Variants in FARS2 observed in about 807,000 individuals in gnomAD.
FARS2 encodes phenylalanyl-tRNA synthetase 2, mitochondrial.
A neutral mutation model predicts 46.4 loss-of-function variants in FARS2; 40 were observed. The observed-to-expected ratio is 0.86, with a 90% CI of 0.67 to 1.12. FARS2 has a LOEUF of 1.12. FARS2 is among the 50% of genes most tolerant of loss of function. The pLI, the probability that FARS2 is intolerant of heterozygous loss-of-function variation, is 0.00. For synonymous variants in FARS2, 234 were observed against 214.9 expected (o/e 1.09, Z -0.78); for missense variants, 513 against 567.9 (o/e 0.90, Z 0.98).
At chr6:5,581,313 C>T (rs1010385099) in intron 5 of FARS2, among the ~76,000 whole-genome samples, 29 of 152,206 alleles carry the variant, frequency 1.9e-4, no homozygotes, top group African/African-American at 6.8e-4. Context: ...AAACAAAACC[C>T]ACGCACACAC....
At position 5,493,793 on chromosome 6, in the gene FARS2, T is replaced by G. The variant is rs1302385856; in HGVS notation, c.905-51387T>G. Among the ~76,000 whole-genome samples, 2 of 152,234 alleles carry G rather than the reference T, an allele frequency of 1.3e-5. 1 individual carries two copies. The highest frequency in any genetic ancestry group is 6.3e-3 in the Middle Eastern group (2 of 316). ...TGCTCACAAACGTTTAACAAATTAT[T>G]TATGTTTTTCTCATAAAGCACTACA... On this transcript the variant is annotated intron_variant, in intron 4 of 6. Transcript: ENST00000274680.
intron 5 of FARS2, 50 bp downstream of exon 5, chr6:5,545,390 A>G (rs563990501): frequency 2.2e-6 from 3 of 1,336,558 alleles, no homozygotes; most frequent in South Asian, 2.6e-5. Context: ...ATGGCTGTCA[A>G]GGATCGACAG....
chr6:5,601,423 C>T (rs1228167702), intron 5 of FARS2, among the ~76,000 whole-genome samples: 1 of 150,010 alleles, frequency 6.7e-6, no homozygotes, highest in Non-Finnish European at 1.5e-5. Flanking sequence ...ACTCAGGAGC[C>T]TGAGGCAGGA....
intron 5 of FARS2, among the ~76,000 whole-genome samples, chr6:5,601,551 A>T: frequency 7.4e-6 from 1 of 135,306 alleles, no homozygotes; most frequent in African/African-American, 2.7e-5. Context: ...AAAAAAAAAA[A>T]GACGAGAGTG....
intron 5 of FARS2, among the ~76,000 whole-genome samples, chr6:5,556,023 CT>C (rs1387898156): frequency 1.3e-5 from 2 of 152,040 alleles, no homozygotes; most frequent in Non-Finnish European, 2.9e-5. Context: ...TTTACCACCA[CT>C]ACTATTACTC....
At chr6:5,549,230 G>A (rs1771227906) in intron 5 of FARS2, among the ~76,000 whole-genome samples, 1 of 150,762 alleles carries the variant, frequency 6.6e-6, no homozygotes, top group African/African-American at 2.4e-5. Flanking sequence ...TGTGCACAAC[G>A]TGCAGGTTTG....
chr6:5,330,797 G>A (rs573470964), intron 1 of FARS2, among the ~76,000 whole-genome samples: 1 of 152,250 alleles, frequency 6.6e-6, no homozygotes, highest in African/African-American at 2.4e-5. Flanking sequence ...AAATATTACT[G>A]TAGTAGACAT....
intron 2 of FARS2, among the ~76,000 whole-genome samples, chr6:5,376,747 A>G (rs149866777): frequency 3.3e-5 from 5 of 152,326 alleles, no homozygotes; most frequent in Middle Eastern, 3.4e-3. Context: ...CCCAATAACA[A>G]AAACATGCCC....
chr6:5,343,292 A>G lies in FARS2; in HGVS notation c.-21-25258A>G, dbSNP rs992240733. 2.0e-5 allele frequency among the ~76,000 whole-genome samples: 3 copies of G among 152,156 alleles called. No individual in the cohort carries two copies. The highest frequency in any genetic ancestry group is 2.9e-5 in the Non-Finnish European group (2 of 68,020). On this transcript the variant is annotated intron_variant, in intron 1 of 6. Transcript: ENST00000274680. The surrounding 1 kb of genome is among the most constrained non-coding windows in gnomAD (Gnocchi z 4.5). ...AGTGGCGCGATCTTGGCTCACTGCA[A>G]CCTTCACCGCCCTGGTTCCAGTGAT...
chr6:5,439,273 T>C (rs953447163), intron 4 of FARS2, among the ~76,000 whole-genome samples: 1 of 152,216 alleles, frequency 6.6e-6, no homozygotes, highest in African/African-American at 2.4e-5. Flanking sequence ...GGTTTCCACA[T>C]AGAATTCGGG....
chr6:5,516,817 AC>A (rs550765971), intron 4 of FARS2, among the ~76,000 whole-genome samples: 3 of 151,812 alleles, frequency 2.0e-5, no homozygotes, highest in African/African-American at 7.3e-5. Context: ...TTACTCAGGA[AC>A]CCCCCCAATT....
intron 6 of FARS2, among the ~76,000 whole-genome samples, chr6:5,735,169 A>G (rs1760872681): frequency 6.6e-6 from 1 of 152,250 alleles, no homozygotes; most frequent in African/African-American, 2.4e-5. Context: ...GGCTACATTT[A>G]TTATACATTT....
At chr6:5,407,068 A>T (rs1339057860) in intron 3 of FARS2, among the ~76,000 whole-genome samples, 10 of 42,896 alleles carry the variant, frequency 2.3e-4, no homozygotes, top group Admixed American at 2.5e-4. Context: ...TATATATATA[A>T]TGACCAATAA....
In FARS2 at chr6:5,390,368, A is replaced by G. The variant is rs928252105; in HGVS notation, c.613-14174A>G. Among the ~76,000 whole-genome samples, 12 of 152,208 alleles carry G rather than the reference A, an allele frequency of 7.9e-5. No homozygotes were observed. In the East Asian group the frequency reaches 2.3e-3, roughly 29 times the overall value. On this transcript the variant is annotated intron_variant, in intron 2 of 6. Transcript: ENST00000274680. ...AAGCAATGAGTATGTATTCTTTTGC[A>G]TCGCACATGCTAAAAATATCCTTAC...
At chr6:5,736,896 C>G (rs778767274) in intron 6 of FARS2, among the ~76,000 whole-genome samples, 19 of 152,112 alleles carry the variant, frequency 1.2e-4, no homozygotes, top group Non-Finnish European at 2.6e-4. Context: ...TAACTTGCAT[C>G]CCATCTCACT....
chr6:5,443,608 A>G (rs1198096777), intron 4 of FARS2, among the ~76,000 whole-genome samples: 1 of 152,228 alleles, frequency 6.6e-6, no homozygotes, highest in African/African-American at 2.4e-5. Flanking sequence ...CCAGAACAGT[A>G]AGAAGCATGT....
intron 2 of FARS2, among the ~76,000 whole-genome samples, chr6:5,390,387 T>C (rs903600908): frequency 3.3e-5 from 5 of 152,178 alleles, no homozygotes; most frequent in Non-Finnish European, 7.4e-5. Flanking sequence ...GCTAAAAATA[T>C]CCTTACTCAG....
intron 4 of FARS2, among the ~76,000 whole-genome samples, chr6:5,523,599 C>T (rs902103190): frequency 2.0e-5 from 3 of 152,084 alleles, no homozygotes; most frequent in Admixed American, 6.5e-5. Flanking sequence ...TCGGCTCAGC[C>T]GCTGCATCAG....
intron 4 of FARS2, among the ~76,000 whole-genome samples, chr6:5,460,261 G>A (rs766599036): frequency 9.2e-5 from 14 of 152,100 alleles, no homozygotes; most frequent in Non-Finnish European, 2.1e-4. Flanking sequence ...CGCTCTTTTT[G>A]TTTGATCTTT....
Sources: allele counts gnomAD v4.1 joint callset (sites outside exome capture counted in the v4.1 genomes callset), GRCh38; gene constraint gnomAD v4.1.1; non-coding constraint Gnocchi (gnomAD v3.1); transcripts MANE v1.5; gene names NCBI Gene and HGNC (gene_info 2026-07-23, HGNC 2026-07-21).